CTNNA3: variants seen among roughly 807,000 people sequenced by gnomAD.
CTNNA3 encodes catenin alpha-3.
A neutral mutation model predicts 95.7 loss-of-function variants in CTNNA3; 76 were observed. The observed-to-expected ratio is 0.79, with a 90% CI of 0.66 to 0.96. The LOEUF is 0.96. Ranked by LOEUF, CTNNA3 falls within the 40% of genes least tolerant of loss-of-function variation. The pLI is 0.00. For missense variants in CTNNA3, 1,191 were observed against 1,089.8 expected (o/e 1.09, Z -1.31); for synonymous variants, 431 against 374.4 (o/e 1.15, Z -1.74).
At chr10:67,230,880 G>A (rs77458951) in intron 5 of CTNNA3, among the ~76,000 whole-genome samples, 3 of 152,184 alleles carry the variant, frequency 2.0e-5, no homozygotes, top group Non-Finnish European at 4.4e-5. Context: ...GGGGGTCAGG[G>A]AGTTCCCTTT....
chr10:67,256,692 G>T (rs1004532029), intron 5 of CTNNA3, among the ~76,000 whole-genome samples: 1 of 152,060 alleles, frequency 6.6e-6, no homozygotes, highest in East Asian at 1.9e-4. Context: ...AGTGATGTTA[G>T]ACATTTATTT....
chr10:65,988,099 T>C (rs966397660), intron 16 of CTNNA3, among the ~76,000 whole-genome samples: 2 of 152,068 alleles, frequency 1.3e-5, no homozygotes, highest in East Asian at 3.9e-4. Context: ...ATAGGAGGAA[T>C]AAATTGTAGT....
intron 11 of CTNNA3, among the ~76,000 whole-genome samples, chr10:66,486,206 G>A (rs1442355958): frequency 1.3e-5 from 2 of 151,964 alleles, no homozygotes; most frequent in South Asian, 2.1e-4. Context: ...TATAAAAATG[G>A]GATTACATCA....
chr10:67,261,639 C>T (rs764589213), intron 5 of CTNNA3, among the ~76,000 whole-genome samples: 21 of 152,152 alleles, frequency 1.4e-4, no homozygotes, highest in African/African-American at 3.1e-4. Context: ...TAAAAATCCA[C>T]GGATGTTCCC....
intron 11 of CTNNA3, among the ~76,000 whole-genome samples, chr10:66,436,448 T>C (rs1012560662): frequency 4.6e-5 from 7 of 152,022 alleles, no homozygotes; most frequent in Non-Finnish European, 8.8e-5. Flanking sequence ...TTGTCTTTTT[T>C]ATCTTTGTTG....
chr10:65,937,933 C>T (rs2077368725), intron 17 of CTNNA3, among the ~76,000 whole-genome samples: 1 of 152,020 alleles, frequency 6.6e-6, no homozygotes, highest in Non-Finnish European at 1.5e-5. Context: ...TTAATCAAAA[C>T]AGGTTCAGAT....
At chr10:66,804,563 T>C (rs904584990) in intron 7 of CTNNA3, among the ~76,000 whole-genome samples, 8 of 152,092 alleles carry the variant, frequency 5.3e-5, no homozygotes, top group Non-Finnish European at 7.4e-5. Flanking sequence ...AGAAGACTAG[T>C]GAAAAGATGA....
chr10:65,978,877 C>A (rs986384314), intron 16 of CTNNA3, among the ~76,000 whole-genome samples: 2 of 152,050 alleles, frequency 1.3e-5, no homozygotes, highest in South Asian at 2.1e-4. Context: ...TGCTGTTTAG[C>A]AAATTCAGGT....
At chr10:65,926,476 AT>A (rs200139185) in intron 17 of CTNNA3, among the ~76,000 whole-genome samples, 11,056 of 139,640 alleles carry the variant, frequency 0.079, 602 homozygotes, top group African/African-American at 0.18. Flanking sequence ...GAGTGTTCCA[AT>A]TTTTTTTTTT....
At chr10:67,341,686 A>C (rs1842197758) in intron 5 of CTNNA3, among the ~76,000 whole-genome samples, 1 of 152,028 alleles carries the variant, frequency 6.6e-6, no homozygotes, top group Non-Finnish European at 1.5e-5. Context: ...CAATATATTG[A>C]TTTCCTTTCT....
chr10:66,329,080 A>G (rs1035916077), intron 12 of CTNNA3, among the ~76,000 whole-genome samples: 1 of 150,856 alleles, frequency 6.6e-6, no homozygotes, highest in African/African-American at 2.4e-5. Context: ...CCTCTCGAGT[A>G]GCTGGGATTA....
chr10:66,971,748 C>G (rs534417364), intron 7 of CTNNA3, among the ~76,000 whole-genome samples: 4 of 152,068 alleles, frequency 2.6e-5, no homozygotes, highest in Non-Finnish European at 5.9e-5. Flanking sequence ...TAGTGCCCAA[C>G]AAAGAGAAAA....
At chr10:65,989,160 C>T (rs938903714) in intron 15 of CTNNA3, among the ~76,000 whole-genome samples, 9 of 152,178 alleles carry the variant, frequency 5.9e-5, no homozygotes, top group Admixed American at 1.3e-4. Context: ...AGGATGGTCA[C>T]GATTTATTGA....
chr10:67,274,974 C>T (rs932280134), intron 5 of CTNNA3, among the ~76,000 whole-genome samples: 2 of 152,040 alleles, frequency 1.3e-5, no homozygotes, highest in Admixed American at 6.6e-5. Flanking sequence ...GAGACATTTA[C>T]ACTATTGACC....
intron 11 of CTNNA3, among the ~76,000 whole-genome samples, chr10:66,438,124 A>C (rs1288980686): frequency 6.6e-6 from 1 of 152,030 alleles, no homozygotes; most frequent in Non-Finnish European, 1.5e-5. Context: ...CCTGTATGAG[A>C]TGTCTGTTGA....
intron 7 of CTNNA3, among the ~76,000 whole-genome samples, chr10:66,819,810 T>C (rs1842236176): frequency 1.3e-5 from 2 of 152,122 alleles, no homozygotes; most frequent in Admixed American, 1.3e-4. Context: ...CTAATATGAC[T>C]ATAATTTAAA....
chr10:66,150,518 A>T (rs1009670838), intron 13 of CTNNA3, among the ~76,000 whole-genome samples: 1 of 151,954 alleles, frequency 6.6e-6, no homozygotes, highest in Admixed American at 6.6e-5. Context: ...TTATAGATAT[A>T]TAATAGTCAT....
chr10:66,856,663 T>C (rs1843695607), intron 7 of CTNNA3, among the ~76,000 whole-genome samples: 1 of 152,104 alleles, frequency 6.6e-6, no homozygotes, highest in Non-Finnish European at 1.5e-5. Context: ...TGATTAATAA[T>C]GTCGAGCATT....
intron 13 of CTNNA3, among the ~76,000 whole-genome samples, chr10:66,202,532 T>C (rs1218917533): frequency 3.3e-5 from 5 of 152,218 alleles, no homozygotes; most frequent in Admixed American, 2.0e-4. Flanking sequence ...GGCTGCCTGA[T>C]TTGTAAATCG....
Sources: allele counts gnomAD v4.1 joint callset (sites outside exome capture counted in the v4.1 genomes callset), GRCh38; gene constraint gnomAD v4.1.1; transcripts MANE v1.5; gene names NCBI Gene and HGNC (gene_info 2026-07-23, HGNC 2026-07-21).